The following SOX5 variants were observed in gnomAD, a reference collection of about 807,000 sequenced individuals.
SOX5 encodes the protein SRY-box transcription factor 5, also known as transcription factor SOX-5.
A neutral mutation model predicts 92.0 loss-of-function variants in SOX5; 9 were observed. The observed-to-expected ratio is 0.10, with a 90% CI of 0.06 to 0.17. SOX5 has a LOEUF of 0.17. Among genes scored for constraint, SOX5 ranks in the 10% least tolerant of loss-of-function variants. The pLI is 1.00. For synonymous variants in SOX5, 344 were observed against 336.3 expected (o/e 1.02, Z -0.25); for missense variants, 642 against 944.5 (o/e 0.68, Z 4.20).
chr12:24,227,770 A>T (rs1962405951), intron 3 of SOX5: 1 of 152,248 alleles, frequency 6.6e-6, no homozygotes, highest in South Asian at 2.1e-4. Flanking sequence ...CAGATGATTC[A>T]GCACGGTATC....
intron 9 of SOX5, among the ~76,000 whole-genome samples, chr12:23,596,525 G>A (rs1471413027): frequency 6.6e-6 from 1 of 152,126 alleles, no homozygotes; most frequent in African/African-American, 2.4e-5. Flanking sequence ...GTCCTCCTTA[G>A]TTTCACGTAT....
intron 2 of SOX5, among the ~76,000 whole-genome samples, chr12:23,857,740 T>TA (rs2096709249): frequency 6.6e-6 from 1 of 151,560 alleles, no homozygotes; most frequent in Non-Finnish European, 1.5e-5. Context: ...TCTTTCTTTT[T>TA]TTTTTTTTTT....
intron 3 of SOX5, among the ~76,000 whole-genome samples, chr12:23,821,584 T>A (rs1243636142): frequency 1.3e-5 from 2 of 151,216 alleles, no homozygotes; most frequent in Admixed American, 6.6e-5. Context: ...GTTTATTGAG[T>A]GTTTTAGCAT....
chr12:23,897,863 G>T lies in SOX5; in HGVS notation c.39-1839C>A, dbSNP rs376715306. On this transcript the variant is annotated intron_variant, in intron 1 of 14. Transcript: ENST00000451604. ...TAGGGGCAGCTACCATGTCAGCATT[G>T]TCTAAAGGAGAAGTAGATTTGGATA... Among the ~76,000 whole-genome samples, 3 of 152,254 alleles carry T rather than the reference G, an allele frequency of 2.0e-5. No homozygotes were observed. The South Asian group carries it at 6.2e-4, about 32-fold the overall frequency.
chr12:23,766,465 G>A (rs2094730166), intron 3 of SOX5, among the ~76,000 whole-genome samples: 2 of 152,034 alleles, frequency 1.3e-5, no homozygotes, highest in South Asian at 4.1e-4. Context: ...CAGAGAGTAT[G>A]GTTCATTATA....
intron 9 of SOX5, among the ~76,000 whole-genome samples, chr12:23,589,140 G>A (rs1457342410): frequency 6.6e-6 from 1 of 151,830 alleles, no homozygotes; most frequent in African/African-American, 2.4e-5. Flanking sequence ...TAACATAAAC[G>A]ACTATGTCTT....
chr12:23,807,101 C>G (rs960227980), intron 3 of SOX5, among the ~76,000 whole-genome samples: 5 of 150,156 alleles, frequency 3.3e-5, no homozygotes, highest in African/African-American at 1.2e-4. Flanking sequence ...ATTATGTATT[C>G]TTCTTTTACA....
chr12:24,325,469 G>A (rs1468370911), intron 2 of SOX5, among the ~76,000 whole-genome samples: 1 of 152,106 alleles, frequency 6.6e-6, no homozygotes. Context: ...GAAGCAGCAG[G>A]AAGACCAAGA....
chr12:23,874,796 A>G (rs1455531192), intron 2 of SOX5, among the ~76,000 whole-genome samples: 1 of 152,198 alleles, frequency 6.6e-6, no homozygotes, highest in Admixed American at 6.5e-5. Context: ...GATTAGTCTC[A>G]TAAATCATGA....
At chr12:23,644,145 C>T (rs1354805638) in intron 7 of SOX5, among the ~76,000 whole-genome samples, 1 of 152,142 alleles carries the variant, frequency 6.6e-6, no homozygotes, top group Non-Finnish European at 1.5e-5. Context: ...CCTTGGTTGC[C>T]CACACCCTCT....
chr12:24,345,116 A>G (rs1449778282), intron 2 of SOX5, among the ~76,000 whole-genome samples: 1 of 152,200 alleles, frequency 6.6e-6, no homozygotes, highest in Non-Finnish European at 1.5e-5. Context: ...ATGGTGGTGT[A>G]TGGGGTAAGA....
chr12:24,539,237 C>A (rs541188088), intron 1 of SOX5, among the ~76,000 whole-genome samples: 1 of 151,108 alleles, frequency 6.6e-6, no homozygotes, highest in East Asian at 2.0e-4. Context: ...TTAGAAAAGT[C>A]AAGGATACAT....
intron 8 of SOX5, among the ~76,000 whole-genome samples, chr12:23,613,284 A>G (rs1024705842): frequency 6.6e-6 from 1 of 152,100 alleles, no homozygotes; most frequent in Non-Finnish European, 1.5e-5. Context: ...TGCAAATCAA[A>G]AGCAGAAGAG....
chr12:24,400,879 T>G (rs1325727164), intron 1 of SOX5, among the ~76,000 whole-genome samples: 2 of 152,206 alleles, frequency 1.3e-5, no homozygotes, highest in African/African-American at 4.8e-5. Context: ...TAAATGTCAG[T>G]GTCTAAAATA....
Position 23,531,451 on chromosome 12 carries a change from G to A in SOX5, c.*2768C>T, listed in dbSNP as rs1939069695. The A allele has an allele frequency of 6.6e-6, 1 of 152,134 alleles. No homozygotes were observed. Among genetic ancestry groups the A allele is most frequent in the Non-Finnish European group, 1.5e-5 (1 of 68,046 alleles). The allele number at this position is 152,134 out of a possible 1,614,324, so 9.4% of individuals were successfully genotyped here. A position where few individuals can be genotyped will look rare whatever the true frequency, so the allele number is the denominator to read the frequency against. On this transcript the variant is annotated 3_prime_UTR_variant, in exon 15 of 15. Transcript: ENST00000451604. ...TGAATGCCTTCAATGGCATCTACCT[G>A]GAGCTAAAACAAAGTATTCTTGTAG...
At chr12:23,888,861 C>T (rs1226352270) in intron 2 of SOX5, among the ~76,000 whole-genome samples, 3 of 152,134 alleles carry the variant, frequency 2.0e-5, no homozygotes, top group Non-Finnish European at 4.4e-5. Flanking sequence ...AACAAATACT[C>T]GCTTGTCAGC....
chr12:23,553,927 G>T (rs1023130497), intron 11 of SOX5, among the ~76,000 whole-genome samples: 1 of 152,052 alleles, frequency 6.6e-6, no homozygotes, highest in African/African-American at 2.4e-5. Flanking sequence ...TACAAATGTA[G>T]CCTCAGTAGC....
chr12:24,136,286 T>C (rs576708558), intron 4 of SOX5, among the ~76,000 whole-genome samples: 1 of 152,026 alleles, frequency 6.6e-6, no homozygotes, highest in African/African-American at 2.4e-5. Flanking sequence ...CGCAGTGGAG[T>C]AGAGTCATGG....
intron 4 of SOX5, among the ~76,000 whole-genome samples, chr12:24,002,569 G>GTTTTTTTTTTTTTTTTTTTT (rs1555468917): frequency 6.7e-6 from 1 of 149,088 alleles, no homozygotes; most frequent in African/African-American, 2.5e-5. Context: ...AATTGAATTA[G>GTTTTTTTTTTTTTTTTTTTT]TAATTTTCTT....
Sources: allele counts gnomAD v4.1 joint callset (sites outside exome capture counted in the v4.1 genomes callset), GRCh38; gene constraint gnomAD v4.1.1; transcripts MANE v1.5; gene names NCBI Gene and HGNC (gene_info 2026-07-23, HGNC 2026-07-21).